Variants in HGS observed in about 807,000 individuals in gnomAD.
HGS encodes hepatocyte growth factor-regulated tyrosine kinase substrate, also known as human growth factor-regulated tyrosine kinase substrate.
Under a neutral mutation model 109.7 loss-of-function variants are expected in HGS, and 63 were observed. That is an observed-to-expected ratio of 0.57 (90% CI 0.47 to 0.71). The LOEUF (loss-of-function observed/expected upper bound fraction) is 0.71. Among genes scored for constraint, HGS ranks in the 30% least tolerant of loss-of-function variants. The probability of loss-of-function intolerance (pLI) is 0.00; values close to 1 mark genes in which losing one functional copy is unlikely to be tolerated. For synonymous variants in HGS, 546 were observed against 437.3 expected, an observed-to-expected ratio of 1.25 and a Z score of -3.10; for missense variants, 995 against 1,068.3, an observed-to-expected ratio of 0.93 and a Z score of 0.96.
intron 17 of HGS, 24 bp downstream of exon 17, chr17:81,696,771 C>G (rs1220138295): frequency 6.2e-7 from 1 of 1,602,888 alleles, no homozygotes. Context: ...TCCCGCCACC[C>G]AGAGGCTTGT....
rs377520640 is a variant in HGS, at chr17:81,696,409, G to A, written c.1446G>A (p.Gly482=). ...TGGCACAGATCCGCGATGCCCGGGG[G>A]GCGCTGAGTGCCCTGCGCGAAGAGC... ...DKLAQIRDAR[G]ALSALREEHR... The change falls in exon 16 of 22, where the codon GGG becomes GGA. Residue 482 remains glycine, a synonymous_variant. Coordinates refer to ENST00000329138, the MANE Select transcript of HGS (RefSeq NM_004712.5). 1.4e-4 allele frequency: 219 copies of A among 1,582,924 alleles called. No individual in the cohort carries two copies. The Middle Eastern group carries it at 3.0e-3, about 21-fold the overall frequency.
chr17:81,689,726 C>T (rs964782825), intron 5 of HGS, among the ~76,000 whole-genome samples: 4 of 152,136 alleles, frequency 2.6e-5, no homozygotes, highest in Admixed American at 6.5e-5. Flanking sequence ...GCACGAGCTG[C>T]CTTGGACCCT....
In HGS at chr17:81,684,097, C is replaced by G; in HGVS notation, c.31C>G (p.Leu11Val). ...GCGAGGCAGCGGCACCTTCGAGCGT[C>G]TCCTAGGTAACGCGTCCCCACCCGA... The part of the protein sequence containing the change: MGRGSGTFER[L>V]LDKATSQLLL... Residue 11 changes from leucine (L) to valine (V), a missense_variant, in exon 1 of 22, where the codon CTC (leucine) becomes GTC (valine). Coordinates refer to ENST00000329138, the MANE Select transcript of HGS (RefSeq NM_004712.5). The G allele has an allele frequency of 6.3e-7, 1 of 1,590,384 alleles. No homozygotes were observed. Among genetic ancestry groups the G allele is most frequent in the Non-Finnish European group, 8.5e-7 (1 of 1,170,622 alleles).
intron 18 of HGS, among the ~76,000 whole-genome samples, chr17:81,699,552 C>CAA (rs1366329142): frequency 4.6e-5 from 7 of 152,132 alleles, no homozygotes; most frequent in African/African-American, 1.7e-4. Context: ...CAGCCTCCTG[C>CAA]GTAGCTGGGA....
At position 81,693,657 on chromosome 17, in the gene HGS, C is replaced by T. The variant is rs373251558; in HGVS notation, c.745C>T (p.Pro249Ser). The change falls in exon 10 of 22, where the codon CCC becomes TCC. Residue 249 changes from proline (P) to serine (S), a missense_variant. Coordinates refer to ENST00000329138, the MANE Select transcript of HGS (RefSeq NM_004712.5). ...TSPLSQQSQL[P>S]PKRDETALQE... ...CACCCTCCCCGCTTGTCCTCAGCTG[C>T]CCCCCAAGAGGGACGAGACGGCCCT... 77 of 1,547,440 alleles carry T rather than the reference C, an allele frequency of 5.0e-5. No homozygotes were observed. The highest frequency in any genetic ancestry group is 1.2e-4 in the Admixed American group (6 of 50,740).
intron 15 of HGS, 53 bp downstream of exon 15, chr17:81,696,052 C>T (rs1029206423): frequency 2.0e-5 from 29 of 1,453,210 alleles, no homozygotes; most frequent in East Asian, 4.7e-5. Flanking sequence ...GTGTTGTGAG[C>T]GCCATCCTGG....
chr17:81,688,736 C>T lies in HGS; in HGVS notation c.324C>T (p.Ile108=), dbSNP rs1278261410. Residue 108 remains isoleucine, a synonymous_variant, in exon 5 of 22, where the codon ATC becomes ATT. Coordinates refer to ENST00000329138, the MANE Select transcript of HGS (RefSeq NM_004712.5). The part of the protein sequence containing the change: ...RQVEVNVRNK[I]LYLIQAWAHA... The stretch of plus-strand genomic sequence containing the variant: ...TGGAGGTAAACGTCCGTAACAAGAT[C>T]CTGTACCTGATCCAGGCCTGGGCGC... The T allele has an allele frequency of 3.1e-6, 5 of 1,614,118 alleles. No homozygotes were observed. The highest frequency in any genetic ancestry group is 3.4e-6 in the Non-Finnish European group (4 of 1,179,980).
At chr17:81,695,624 C>A (rs2037133536) in intron 14 of HGS, 162 bp from the exon 15 acceptor site, 2 of 672,540 alleles carry the variant, frequency 3.0e-6, no homozygotes, top group Non-Finnish European at 5.1e-6. Context: ...GACCCCGCCT[C>A]CAGGGCCTCG....
intron 19 of HGS, 33 bp downstream of exon 19, chr17:81,700,633 GCCAGCCCCAGCCCCAGCC>G (rs142478779): frequency 2.7e-5 from 42 of 1,577,810 alleles, no homozygotes; most frequent in South Asian, 8.0e-5. Context: ...TCCTTCCAGG[GCCAGCCCCAGCCCCAGCC>G]CCAGCCCCAG....
intron 21 of HGS, 176 bp from the exon 22 acceptor site, chr17:81,701,332 G>A (rs764449865): frequency 1.3e-5 from 11 of 843,932 alleles, no homozygotes; most frequent in Admixed American, 2.6e-5. Flanking sequence ...AGTGTAGACA[G>A]GAAAAACCGT....
At chr17:81,694,178 T>C (rs2037109581) in intron 11 of HGS, among the ~76,000 whole-genome samples, 1 of 152,198 alleles carries the variant, frequency 6.6e-6, no homozygotes, top group Non-Finnish European at 1.5e-5. Context: ...CCCTTGGGAC[T>C]GAGGACATGG....
chr17:81,694,631 G>A (rs1044988246), intron 11 of HGS, among the ~76,000 whole-genome samples, 184 bp from the exon 12 acceptor site: 16 of 152,208 alleles, frequency 1.1e-4, no homozygotes, highest in Non-Finnish European at 1.9e-4. Flanking sequence ...CCTCTGTGGA[G>A]TTCTAAGCAT....
rs370066176 is a variant in HGS, at chr17:81,686,965, A to G, written c.199-38A>G. The G allele has an allele frequency of 1.2e-3, 1,797 of 1,554,330 alleles. 5 individuals are homozygous for G. Among genetic ancestry groups the G allele is most frequent in the Non-Finnish European group, 1.4e-3 (1,621 of 1,130,490 alleles). ...CGGGAGGAGGAGGGGCCCTGCCCTG[A>G]CCACTGGCCCAACCCTTCCCTTCCT... On this transcript the variant is annotated intron_variant, in intron 3 of 21. Transcript: ENST00000329138.
rs904362834 is a variant in HGS, at chr17:81,691,395, G to A, written c.538-52G>A. 1.1e-5 allele frequency: 17 copies of A among 1,607,818 alleles called. No homozygotes were observed. The highest frequency in any genetic ancestry group is 2.7e-5 in the African/African-American group (2 of 74,930). On this transcript the variant is annotated intron_variant, in intron 7 of 21. Transcript: ENST00000329138. This position sits in a 1 kb window ranked among gnomAD's most constrained non-coding sequence, Gnocchi z 5.3. Reference sequence around the variant, plus strand: ...ACGGGGTGGTTCTGGGCCGGGTGGCGCATCAGGGTCCCCCAGTGCCTGTGA... The same window carrying A: ...ACGGGGTGGTTCTGGGCCGGGTGGCACATCAGGGTCCCCCAGTGCCTGTGA...
chr17:81,696,268 C>T, intron 15 of HGS, 89 bp from the exon 16 acceptor site: 1 of 1,414,464 alleles, frequency 7.1e-7, no homozygotes. Flanking sequence ...AGGTTGGGCA[C>T]AGGGCGGCCC....
rs141432636 is a variant in HGS, at chr17:81,695,959, G to C, written c.1353G>C (p.Pro451=). The change falls in exon 15 of 22, where the codon CCG becomes CCC. Residue 451 remains proline, a synonymous_variant. Coordinates refer to ENST00000329138, the MANE Select transcript of HGS (RefSeq NM_004712.5). ...TCCAGTCCATCAACGGCATGCACCC[G>C]CAGCTGCTGGAGCTGCTCAACCAGC... ...SLFQSINGMH[P]QLLELLNQLD... 3.6e-5 allele frequency: 57 copies of C among 1,575,214 alleles called. No homozygotes were observed. Among genetic ancestry groups the C allele is most frequent in the Non-Finnish European group, 4.0e-5 (46 of 1,156,752 alleles).
At chr17:81,686,629 T>C (rs1223704724) in intron 3 of HGS, among the ~76,000 whole-genome samples, 5 of 152,090 alleles carry the variant, frequency 3.3e-5, no homozygotes, top group Non-Finnish European at 7.4e-5. Context: ...CCTGCGTGAG[T>C]AAACACCAGA....
Position 81,691,755 on chromosome 17 carries a change from A to G in HGS, c.662+184A>G, listed in dbSNP as rs2144492916. On this transcript the variant is annotated intron_variant, in intron 8 of 21. Transcript: ENST00000329138. This position sits in a 1 kb window ranked among gnomAD's most constrained non-coding sequence, Gnocchi z 5.3. ...CTCGGACCCTGCCCCACACTAGGGC[A>G]GGTGGGTGTGAGAGACAGGGCGCCG... 3.0e-6 allele frequency: 2 copies of G among 672,768 alleles called. No individual in the cohort carries two copies. Among genetic ancestry groups the G allele is most frequent in the East Asian group, 2.8e-5 (1 of 35,314 alleles). 41.7% of individuals were successfully genotyped at this position (672,768 alleles called of 1,614,324 possible).
rs550357145 is a variant in HGS at position 81,693,861 on chromosome 17, C to T, written c.841-9C>T. The T allele has an allele frequency of 7.4e-5, 118 of 1,600,674 alleles. No individual in the cohort carries two copies. In the South Asian group the frequency reaches 1.2e-3, roughly 16 times the overall value. On this transcript the variant is annotated splice_polypyrimidine_tract_variant and intron_variant, in intron 10 of 21. Coordinates refer to ENST00000329138, the MANE Select transcript of HGS (RefSeq NM_004712.5). ...CACCCAAGTGACGCCCCTTCTGATT[C>T]TGCCTCAGAGACAGAAGTCCACGTA...
Sources: allele counts gnomAD v4.1 joint callset (sites outside exome capture counted in the v4.1 genomes callset), GRCh38; gene constraint gnomAD v4.1.1; non-coding constraint Gnocchi (gnomAD v3.1); transcripts MANE v1.5; gene names NCBI Gene and HGNC (gene_info 2026-07-23, HGNC 2026-07-21).